GTF2IRD2: variants seen among roughly 807,000 people sequenced by gnomAD.
The protein encoded by GTF2IRD2 is general transcription factor II-I repeat domain-containing protein 2A.
GTF2IRD2 carries 8 observed loss-of-function variants against 49.2 expected under a neutral mutation model. The ratio of observed to expected loss-of-function variants is 0.16; its 90% CI spans 0.10 to 0.29. The LOEUF is 0.29. Among genes scored for constraint, GTF2IRD2 ranks in the 10% least tolerant of loss-of-function variants. The pLI is 1.00. For synonymous variants in GTF2IRD2, 47 were observed against 289.7 expected, an observed-to-expected ratio of 0.16 and a Z score of 8.51; for missense variants, 130 against 725.7, an observed-to-expected ratio of 0.18 and a Z score of 9.43.
At chr7:74,826,050 G>T (rs1368528979) in intron 3 of GTF2IRD2, among the ~76,000 whole-genome samples, 15 of 151,800 alleles carry the variant, frequency 9.9e-5, no homozygotes, top group African/African-American at 1.2e-4. Context: ...CTCCCAAAGT[G>T]CTGGGATTAC....
At chr7:74,838,379 A>ATT (rs3053908) in intron 1 of GTF2IRD2, among the ~76,000 whole-genome samples, 7,575 of 107,222 alleles carry the variant, frequency 0.071, 1,104 homozygotes, top group African/African-American at 0.17. Flanking sequence ...TTTTGCCAAG[A>ATT]TTTTTTTTTT....
At chr7:74,815,457 GA>G (rs1182351663) in intron 8 of GTF2IRD2, among the ~76,000 whole-genome samples, 4 of 85,150 alleles carry the variant, frequency 4.7e-5, no homozygotes, top group Non-Finnish European at 1.1e-4. Context: ...CTCAAGAAAA[GA>G]AAAAAAAATT....
intron 3 of GTF2IRD2, among the ~76,000 whole-genome samples, chr7:74,830,386 C>G (rs1489882624): frequency 6.8e-6 from 1 of 147,852 alleles, no homozygotes; most frequent in African/African-American, 2.5e-5. Context: ...TGCCTGTAAT[C>G]TCAGCTATTT....
At chr7:74,818,458 CTTT>C (rs782068970) in intron 8 of GTF2IRD2, among the ~76,000 whole-genome samples, 3 of 129,474 alleles carry the variant, frequency 2.3e-5, no homozygotes, top group Non-Finnish European at 3.1e-5. Context: ...CTCTCTCTCT[CTTT>C]TTTTTTTTTT....
chr7:74,806,779 TG>T (rs2131654220), intron 12 of GTF2IRD2, among the ~76,000 whole-genome samples, 154 bp downstream of exon 12: 1 of 131,226 alleles, frequency 7.6e-6, no homozygotes, highest in East Asian at 2.3e-4. Context: ...GTGAGCAAGA[TG>T]CTCGTTGTGT....
At chr7:74,840,919 C>T (rs1800767795) in intron 1 of GTF2IRD2, among the ~76,000 whole-genome samples, 1 of 108,286 alleles carries the variant, frequency 9.2e-6, no homozygotes, top group Admixed American at 9.5e-5. Context: ...GCGATCTCGG[C>T]TCACTGCAAC....
At chr7:74,839,923 C>G (rs1435323993) in intron 1 of GTF2IRD2, among the ~76,000 whole-genome samples, 3 of 140,114 alleles carry the variant, frequency 2.1e-5, no homozygotes, top group Non-Finnish European at 4.6e-5. Context: ...TTGCTTGAAC[C>G]CAGAAGGCGG....
intron 8 of GTF2IRD2, among the ~76,000 whole-genome samples, chr7:74,815,376 G>A (rs1210394025): frequency 1.1e-4 from 8 of 75,608 alleles, no homozygotes; most frequent in African/African-American, 2.5e-4. Context: ...GCTTGAACCC[G>A]GGGGGGCGGA....
At chr7:74,826,136 TTTA>T (rs1799372855) in intron 3 of GTF2IRD2, among the ~76,000 whole-genome samples, 1 of 150,924 alleles carries the variant, frequency 6.6e-6, no homozygotes, top group Non-Finnish European at 1.5e-5. Context: ...AGTCTGGGGT[TTTA>T]GTGTACTCAT....
intron 3 of GTF2IRD2, among the ~76,000 whole-genome samples, chr7:74,831,488 C>T (rs1554420378): frequency 1.4e-5 from 2 of 143,078 alleles, no homozygotes; most frequent in East Asian, 2.0e-4. Flanking sequence ...TCCATAGAGA[C>T]CCCTCTCTCT....
chr7:74,839,215 ACCGCGC>A, intron 1 of GTF2IRD2, among the ~76,000 whole-genome samples: 1 of 32,904 alleles, frequency 3.0e-5, no homozygotes, highest in Non-Finnish European at 4.9e-5. Flanking sequence ...GGTGTGAGCC[ACCGCGC>A]CCAGCCGGTA....
At chr7:74,822,271 G>A (rs1344843409) in intron 6 of GTF2IRD2, 156 bp downstream of exon 6, 5 of 1,201,340 alleles carry the variant, frequency 4.2e-6, no homozygotes, top group South Asian at 1.2e-5. Context: ...GGATGGTCGC[G>A]ATCTCCTGAC....
At chr7:74,829,499 C>A (rs1235173497) in intron 3 of GTF2IRD2, among the ~76,000 whole-genome samples, 2 of 129,782 alleles carry the variant, frequency 1.5e-5, no homozygotes, top group Non-Finnish European at 3.2e-5. Context: ...GCTAAGATAT[C>A]TGTACTACCA....
intron 1 of GTF2IRD2, among the ~76,000 whole-genome samples, chr7:74,842,231 CTTTTT>C (rs71267867): frequency 8.2e-6 from 1 of 121,896 alleles, no homozygotes; most frequent in Non-Finnish European, 1.7e-5. Context: ...TTTTAATTTT[CTTTTT>C]TTTTTTTTTT....
In GTF2IRD2 at chr7:74,844,355, G is replaced by GT. The variant is rs782659583; in HGVS notation, c.-6+7011dup. On this transcript the variant is annotated intron_variant, in intron 1 of 15. Coordinates refer to ENST00000451013, the MANE Select transcript of GTF2IRD2 (RefSeq NM_173537.5). ...GTAAACTAGACTAGATGAGGATTAT[G>GT]TTTTTTTTATTTATTTATTTATTTA... 2.5e-4 allele frequency among the ~76,000 whole-genome samples: 10 copies of GT among 39,774 alleles called. 1 individual carries two copies. Among genetic ancestry groups the GT allele is most frequent in the African/African-American group, 1.1e-3 (9 of 7,916 alleles). 26.1% of individuals were successfully genotyped at this position (39,774 alleles called of 152,430 possible).
intron 3 of GTF2IRD2, among the ~76,000 whole-genome samples, chr7:74,829,373 C>A (rs1584398979): frequency 3.3e-5 from 1 of 30,266 alleles, no homozygotes; most frequent in Non-Finnish European, 5.4e-5. Flanking sequence ...CCAGCCTGGG[C>A]AACAGAGCAA....
At chr7:74,799,036 G>C (rs1554416721) in intron 15 of GTF2IRD2, 1 of 88,664 alleles carries the variant, frequency 1.1e-5, no homozygotes, top group Non-Finnish European at 2.2e-5. Flanking sequence ...TTGTAGAGCT[G>C]GAGTCTTACC....
chr7:74,830,067 G>C, intron 3 of GTF2IRD2, among the ~76,000 whole-genome samples: 1 of 150,100 alleles, frequency 6.7e-6, no homozygotes, highest in Non-Finnish European at 1.5e-5. Context: ...AGGGAGTCCA[G>C]AAATAAACCC....
At chr7:74,842,552 A>G (rs1474733217) in intron 1 of GTF2IRD2, among the ~76,000 whole-genome samples, 2 of 140,366 alleles carry the variant, frequency 1.4e-5, no homozygotes, top group Non-Finnish European at 3.1e-5. Flanking sequence ...ATTTTTATTT[A>G]TTTTTTCTGA....
Sources: gnomAD v4.1 joint callset for allele counts (sites outside exome capture counted in the v4.1 genomes callset) on GRCh38, gnomAD v4.1.1 for gene constraint, MANE v1.5 for transcripts, NCBI Gene and HGNC (gene_info 2026-07-23, HGNC 2026-07-21) for gene names.